Variants in EPOR observed in about 807,000 individuals in gnomAD.
EPOR encodes erythropoietin receptor.
In EPOR, 20 loss-of-function variants were observed where a neutral mutation model predicts 34.3. The observed-to-expected ratio is 0.58, with a 90% CI of 0.41 to 0.85. The LOEUF is 0.85. Ranked by LOEUF, EPOR falls within the 40% of genes least tolerant of loss-of-function variation. The probability of loss-of-function intolerance (pLI) is 0.00; values close to 1 mark genes in which losing one functional copy is unlikely to be tolerated. For missense variants in EPOR, 601 were observed against 672.7 expected, an observed-to-expected ratio of 0.89 and a Z score of 1.18; for synonymous variants, 312 against 299.0, an observed-to-expected ratio of 1.04 and a Z score of -0.45.
At chr19:11,382,570 C>T (rs1258240815) in intron 2 of EPOR, among the ~76,000 whole-genome samples, 2 of 152,050 alleles carry the variant, frequency 1.3e-5, no homozygotes. Flanking sequence ...TCCATGTTGG[C>T]CAGGCTGGTC....
intron 6 of EPOR, among the ~76,000 whole-genome samples, chr19:11,379,637 CCT>C (rs1396376127): frequency 3.3e-5 from 5 of 151,916 alleles, no homozygotes; most frequent in East Asian, 1.9e-4. Context: ...TTATATGACC[CCT>C]GTCACCTCCC....
chr19:11,378,047 A>AG lies in EPOR; in HGVS notation c.1463dup (p.Tyr489LeufsTer2). On this transcript the variant is annotated frameshift_variant, in exon 8 of 8. Transcript: ENST00000222139. LOFTEE classifies it high-confidence loss of function. This position sits in a 1 kb window ranked among gnomAD's most constrained non-coding sequence, Gnocchi z 5.3. ...CGGCTGGGATAAGGCTGTTCTCATA[A>AG]GGGTTGGAGTAGGGGCCATCGGATA... 3.1e-6 allele frequency: 5 copies of AG among 1,614,122 alleles called. No homozygotes were observed. The highest frequency in any genetic ancestry group is 4.2e-6 in the Non-Finnish European group (5 of 1,180,000).
At position 11,380,879 on chromosome 19, in the gene EPOR, C is replaced by T. The variant is rs1968345180; in HGVS notation, c.827+5G>A. 6.4e-7 allele frequency: 1 copy of T among 1,550,856 alleles called. No homozygotes were observed. The highest frequency in any genetic ancestry group is 8.7e-7 in the Non-Finnish European group (1 of 1,146,246). On this transcript the variant is annotated splice_donor_5th_base_variant and intron_variant, in intron 6 of 7. Coordinates refer to ENST00000222139, the MANE Select transcript of EPOR (RefSeq NM_000121.4). ...CTGGGCCCAGCGCCCAAATGGGGAG[C>T]TCACCGGCGGTGGGAGAGCAGCGCG... is the stretch of plus-strand genomic sequence containing the variant.
In EPOR at chr19:11,381,873, G is replaced by A. The variant is rs746870545; in HGVS notation, c.428-24C>T. On this transcript the variant is annotated intron_variant, in intron 3 of 7. Transcript: ENST00000222139. The surrounding 1 kb of genome is among the most constrained non-coding windows in gnomAD (Gnocchi z 5.3). Reference sequence around the variant, plus strand: ...CACTGCAGGCATGGGGGTTGGTCAGGTGGGCGAGGACTGAGACCCTCTCCT... The same window carrying A: ...CACTGCAGGCATGGGGGTTGGTCAGATGGGCGAGGACTGAGACCCTCTCCT... 16 of 1,614,220 alleles carry A rather than the reference G, an allele frequency of 9.9e-6. No individual in the cohort carries two copies. The South Asian group carries it at 1.8e-4, about 18-fold the overall frequency.
In EPOR at chr19:11,383,979, C is replaced by T; in HGVS notation, c.115+114G>A. On this transcript the variant is annotated intron_variant, in intron 1 of 7. Transcript: ENST00000222139. The surrounding 1 kb of genome is among the most constrained non-coding windows in gnomAD (Gnocchi z 4.9). Reference sequence around the variant, plus strand: ...TCAGATGCCAGCTTGGCCCCCAGGACCCGGTCAGGAAGTCCAGAAACAGGC... The same window carrying T: ...TCAGATGCCAGCTTGGCCCCCAGGATCCGGTCAGGAAGTCCAGAAACAGGC... The T allele has an allele frequency of 1.8e-6, 1 of 558,272 alleles. No individual in the cohort carries two copies. The highest frequency in any genetic ancestry group is 1.5e-5 in the South Asian group (1 of 65,834). 34.6% of individuals were successfully genotyped at this position (558,272 alleles called of 1,614,324 possible).
intron 6 of EPOR, among the ~76,000 whole-genome samples, chr19:11,380,132 G>A (rs1339737628): frequency 1.3e-5 from 2 of 152,154 alleles, no homozygotes; most frequent in African/African-American, 4.8e-5. Context: ...TTTCCACTCT[G>A]ATGTCACCTC....
Position 11,381,918 on chromosome 19 carries a change from C to G in EPOR, c.427+12G>C. ...TCTCCTCCGACCACTCCTCCATTCC[C>G]AGAGCACTTACCTACTTCATTGATG... On this transcript the variant is annotated intron_variant, in intron 3 of 7. Coordinates refer to ENST00000222139, the MANE Select transcript of EPOR (RefSeq NM_000121.4). This position sits in a 1 kb window ranked among gnomAD's most constrained non-coding sequence, Gnocchi z 5.3. 1 of 1,614,228 alleles carries G rather than the reference C, an allele frequency of 6.2e-7. No individual in the cohort carries two copies.
Position 11,383,560 on chromosome 19 carries a change from T to A in EPOR, c.116-328A>T. 3.4e-6 allele frequency: 1 copy of A among 295,872 alleles called. No homozygotes were observed. The allele number at this position is 295,872 out of a possible 1,614,324, so 18.3% of individuals were successfully genotyped here. A position where few individuals can be genotyped will look rare whatever the true frequency, so the allele number is the denominator to read the frequency against. ...CCTAGGACACGCGCGCGGCTGGGGG[T>A]GTGTGCGGAGAGGCGGGCCCCCTAT... On this transcript the variant is annotated intron_variant, in intron 1 of 7. Coordinates refer to ENST00000222139, the MANE Select transcript of EPOR (RefSeq NM_000121.4). This position sits in a 1 kb window ranked among gnomAD's most constrained non-coding sequence, Gnocchi z 4.9.
In EPOR at chr19:11,378,859, G is replaced by T; in HGVS notation, c.828-81C>A. ...TTCCCCCTCCACTCCCAGTCATAGA[G>T]GCACAGATACACTTGGTCCCTGTGA... On this transcript the variant is annotated intron_variant, in intron 6 of 7. Transcript: ENST00000222139. The surrounding 1 kb of genome is among the most constrained non-coding windows in gnomAD (Gnocchi z 5.3). The T allele has an allele frequency of 1.5e-6, 2 of 1,359,386 alleles. No homozygotes were observed. The highest frequency in any genetic ancestry group is 1.4e-5 in the African/African-American group (1 of 70,146). 84.2% of individuals were successfully genotyped at this position (1,359,386 alleles called of 1,614,324 possible).
Position 11,384,142 on chromosome 19 carries a change from G to A in EPOR, c.66C>T (p.Ala22=). ...VGSLCLLLAG[A]AWAPPPNLPD... The stretch of plus-strand genomic sequence containing the variant: ...GGAGGTTAGGCGGGGGCGCCCAGGC[G>A]GCCCCAGCGAGCAGGAGACAAAGGG... Residue 22 remains alanine, a synonymous_variant, in exon 1 of 8, where the codon GCC becomes GCT. Coordinates refer to ENST00000222139, the MANE Select transcript of EPOR (RefSeq NM_000121.4). 1.3e-6 allele frequency: 2 copies of A among 1,550,326 alleles called. No individual in the cohort carries two copies. Among genetic ancestry groups the A allele is most frequent in the East Asian group, 2.4e-5 (1 of 40,898 alleles).
At chr19:11,382,263 C>T (rs1968373316) in intron 2 of EPOR, among the ~76,000 whole-genome samples, 158 bp from the exon 3 acceptor site, 1 of 151,856 alleles carries the variant, frequency 6.6e-6, no homozygotes, top group African/African-American at 2.4e-5. Context: ...TGCAGTGGCG[C>T]GATCATGGCT....
At position 11,378,993 on chromosome 19, in the gene EPOR, T is replaced by C. The variant is rs769362786; in HGVS notation, c.828-215A>G. On this transcript the variant is annotated intron_variant, in intron 6 of 7. Transcript: ENST00000222139. The surrounding 1 kb of genome is among the most constrained non-coding windows in gnomAD (Gnocchi z 5.3). The stretch of plus-strand genomic sequence containing the variant: ...ATGGAACAGGGTATTGAAGGGTGCA[T>C]AGGAGTTCAATATACCTTGGTCATT... Among the ~76,000 whole-genome samples the C allele has an allele frequency of 6.6e-6, 1 of 152,016 alleles. No individual in the cohort carries two copies. The highest frequency in any genetic ancestry group is 6.6e-5 in the Admixed American group (1 of 15,256).
chr19:11,379,199 C>T (rs999840006), intron 6 of EPOR, among the ~76,000 whole-genome samples: 5 of 152,082 alleles, frequency 3.3e-5, no homozygotes, highest in African/African-American at 1.2e-4. Flanking sequence ...AAACCCAAAA[C>T]CCTGGCCCAG....
chr19:11,379,227 A>C (rs189813612), intron 6 of EPOR, among the ~76,000 whole-genome samples: 1 of 152,312 alleles, frequency 6.6e-6, no homozygotes, highest in East Asian at 1.9e-4. Flanking sequence ...CAGGAGGTCC[A>C]TGATGTCACT....
chr19:11,377,919 A>G lies in EPOR; in HGVS notation c.*65T>C. The G allele has an allele frequency of 6.2e-7, 1 of 1,604,344 alleles. No individual in the cohort carries two copies. The highest frequency in any genetic ancestry group is 1.1e-5 in the South Asian group (1 of 90,836). On this transcript the variant is annotated 3_prime_UTR_variant, in exon 8 of 8. Coordinates refer to ENST00000222139, the MANE Select transcript of EPOR (RefSeq NM_000121.4). Reference sequence around the variant, plus strand: ...AGAGGCCTCGCCATCCCTGTTCCATAAGTCTTGAGTCTGCACTGGTTCTCT... The same window carrying G: ...AGAGGCCTCGCCATCCCTGTTCCATGAGTCTTGAGTCTGCACTGGTTCTCT...
intron 2 of EPOR, among the ~76,000 whole-genome samples, chr19:11,382,426 C>T (rs551381138): frequency 3.5e-3 from 529 of 149,732 alleles, no homozygotes; most frequent in Non-Finnish European, 5.6e-3. Context: ...TGCAATGGCG[C>T]TACCTCGGCT....
Position 11,381,092 on chromosome 19 carries a change from C to G in EPOR, c.703G>C (p.Ala235Pro). 6.3e-7 allele frequency: 1 copy of G among 1,598,420 alleles called. No homozygotes were observed. The highest frequency in any genetic ancestry group is 2.3e-5 in the East Asian group (1 of 44,340). The stretch of plus-strand genomic sequence containing the variant: ...AGCAGCGACACAGGCTCCGACCAGG[C>G]GCTCCAGAAGCCGCCGAAGCTCGGC... Reference protein sequence around the residue: ...AEPSFGGFWSAWSEPVSLLTP... With the variant: ...AEPSFGGFWSPWSEPVSLLTP... Residue 235 changes from alanine (A) to proline (P), a missense_variant, in exon 5 of 8, where the codon GCC becomes CCC. Transcript: ENST00000222139. The surrounding 1 kb of genome is among the most constrained non-coding windows in gnomAD (Gnocchi z 5.3).
In EPOR at chr19:11,383,145, G is replaced by C. The variant is rs2144700039; in HGVS notation, c.203C>G (p.Ala68Gly). ...EDLVCFWEEA[A>G]SAGVGPGNYS... ...GTTGCCCGGGCCCACCCCAGCGCTCGCCGCTTCCTCCCAGAAACACACCAA... is the reference window on the plus strand; with the variant it reads ...GTTGCCCGGGCCCACCCCAGCGCTCCCCGCTTCCTCCCAGAAACACACCAA... The change falls in exon 2 of 8, where the codon GCG becomes GGG. Residue 68 changes from alanine to glycine, a missense_variant. Transcript: ENST00000222139. This position sits in a 1 kb window ranked among gnomAD's most constrained non-coding sequence, Gnocchi z 4.9. 1.2e-6 allele frequency: 2 copies of C among 1,613,332 alleles called. No individual in the cohort carries two copies. The highest frequency in any genetic ancestry group is 8.5e-7 in the Non-Finnish European group (1 of 1,179,924).
Position 11,381,421 on chromosome 19 carries a change from A to C in EPOR, c.586-212T>G. 1.5e-6 allele frequency: 1 copy of C among 684,670 alleles called. No homozygotes were observed. The allele number at this position is 684,670 out of a possible 1,614,324, so 42.4% of individuals were successfully genotyped here. On this transcript the variant is annotated intron_variant, in intron 4 of 7. Transcript: ENST00000222139. The surrounding 1 kb of genome is among the most constrained non-coding windows in gnomAD (Gnocchi z 5.3). ...GAAAGGGCGGGACCCGGGCAATTTA[A>C]TATCTGGGCTAGCACTCGTAGAGGG...
Sources: allele counts gnomAD v4.1 joint callset (sites outside exome capture counted in the v4.1 genomes callset), GRCh38; gene constraint gnomAD v4.1.1; non-coding constraint Gnocchi (gnomAD v3.1); transcripts MANE v1.5; gene names NCBI Gene and HGNC (gene_info 2026-07-23, HGNC 2026-07-21).